The following NTSR1 variants were observed in gnomAD, a reference collection of about 807,000 sequenced individuals.
NTSR1 encodes neurotensin receptor type 1.
In NTSR1, 29 loss-of-function variants were observed where a neutral mutation model predicts 31.2. The observed-to-expected ratio is 0.93, with a 90% confidence interval of 0.69 to 1.27. The LOEUF (loss-of-function observed/expected upper bound fraction) is 1.27. Ranked by LOEUF, NTSR1 falls within the 50% of genes most tolerant of loss-of-function variation. NTSR1 has a pLI of 0.00. For synonymous variants in NTSR1, 282 were observed against 269.9 expected (o/e 1.04, Z -0.44); for missense variants, 697 against 595.4 (o/e 1.17, Z -1.78).
At position 62,711,958 on chromosome 20, in the gene NTSR1, G is replaced by A. The variant is rs1217491901; in HGVS notation, c.714+2037G>A. On this transcript the variant is annotated intron_variant, in intron 1 of 3. Coordinates refer to ENST00000370501, the MANE Select transcript of NTSR1 (RefSeq NM_002531.3). The surrounding 1 kb of genome is among the most constrained non-coding windows in gnomAD (Gnocchi z 6.4). Reference sequence around the variant, plus strand: ...ACGCCCTGCAGACGCCATGCTGGCCGAGCGTTGCTGAAGGCACCCTTGGAG... The same window carrying A: ...ACGCCCTGCAGACGCCATGCTGGCCAAGCGTTGCTGAAGGCACCCTTGGAG... Among the ~76,000 whole-genome samples, 2 of 152,228 alleles carry A rather than the reference G, an allele frequency of 1.3e-5. No individual in the cohort carries two copies. Among genetic ancestry groups the A allele is most frequent in the Non-Finnish European group, 2.9e-5 (2 of 68,044 alleles).
At chr20:62,728,956 G>C (rs1325965386) in intron 1 of NTSR1, among the ~76,000 whole-genome samples, 2 of 152,206 alleles carry the variant, frequency 1.3e-5, no homozygotes, top group African/African-American at 4.8e-5. Flanking sequence ...GGGACCCTAA[G>C]ACTGTCCCCT....
At chr20:62,750,214 G>T (rs1568709220) in intron 1 of NTSR1, among the ~76,000 whole-genome samples, 1 of 152,246 alleles carries the variant, frequency 6.6e-6, no homozygotes, top group African/African-American at 2.4e-5. Flanking sequence ...GACAAATGCT[G>T]TGTGATCTCG....
At chr20:62,737,998 T>C (rs1321650247) in intron 1 of NTSR1, among the ~76,000 whole-genome samples, 1 of 69,954 alleles carries the variant, frequency 1.4e-5, no homozygotes, top group African/African-American at 1.1e-4. Flanking sequence ...CAGACCACGC[T>C]GCATGCCCCC....
At position 62,711,816 on chromosome 20, in the gene NTSR1, C is replaced by G. The variant is rs553162005; in HGVS notation, c.714+1895C>G. ...CTTTGCCTCCCAAAGCACCACCTGC[C>G]CAGCCTTGTTGCTCAGAGGCTGCGA... is the stretch of plus-strand genomic sequence containing the variant. On this transcript the variant is annotated intron_variant, in intron 1 of 3. Coordinates refer to ENST00000370501, the MANE Select transcript of NTSR1 (RefSeq NM_002531.3). This position sits in a 1 kb window ranked among gnomAD's most constrained non-coding sequence, Gnocchi z 6.4. Among the ~76,000 whole-genome samples, 1 of 152,290 alleles carries G rather than the reference C, an allele frequency of 6.6e-6. No individual in the cohort carries two copies. The highest frequency in any genetic ancestry group is 6.5e-5 in the Admixed American group (1 of 15,304).
intron 1 of NTSR1, among the ~76,000 whole-genome samples, chr20:62,731,016 T>C (rs1371065030): frequency 2.0e-5 from 3 of 152,228 alleles, no homozygotes. Context: ...TTTCCTAGGC[T>C]GTATCTTGTC....
At chr20:62,738,183 G>T (rs983980948) in intron 1 of NTSR1, among the ~76,000 whole-genome samples, 2 of 152,184 alleles carry the variant, frequency 1.3e-5, no homozygotes, top group Non-Finnish European at 2.9e-5. Flanking sequence ...GGGTGATGGA[G>T]GGTGCTAGAT....
At chr20:62,734,290 C>G (rs1250957450) in intron 1 of NTSR1, among the ~76,000 whole-genome samples, 1 of 144,584 alleles carries the variant, frequency 6.9e-6, no homozygotes, top group East Asian at 2.0e-4. Context: ...GAGTGTGACC[C>G]CCTTCCCCGC....
rs1989609949 is a variant in NTSR1, at chr20:62,760,855, A to T, written c.*588A>T. 6.5e-6 allele frequency: 1 copy of T among 152,778 alleles called. No individual in the cohort carries two copies. The highest frequency in any genetic ancestry group is 2.4e-5 in the African/African-American group (1 of 41,462). 9.5% of individuals were successfully genotyped at this position (152,778 alleles called of 1,614,324 possible). ...TTCAGGCCTGGCAAGCTGGGGGCCC[A>T]TCGCCGTGGGGAGTCCCTCCCACCA... On this transcript the variant is annotated 3_prime_UTR_variant, in exon 4 of 4. Transcript: ENST00000370501.
In NTSR1 at chr20:62,741,203, T is replaced by A. The variant is rs962294574; in HGVS notation, c.715-13482T>A. On this transcript the variant is annotated intron_variant, in intron 1 of 3. Coordinates refer to ENST00000370501, the MANE Select transcript of NTSR1 (RefSeq NM_002531.3). The surrounding 1 kb of genome is among the most constrained non-coding windows in gnomAD (Gnocchi z 4.3). Reference sequence around the variant, plus strand: ...GGCAGCCAGGCTGCTAAGTCAGGGGTCTCCCGGCAGCCAGGCTGCTGCCAG... The same window carrying A: ...GGCAGCCAGGCTGCTAAGTCAGGGGACTCCCGGCAGCCAGGCTGCTGCCAG... Among the ~76,000 whole-genome samples, 4 of 151,260 alleles carry A rather than the reference T, an allele frequency of 2.6e-5. No homozygotes were observed. Among genetic ancestry groups the A allele is most frequent in the African/African-American group, 9.7e-5 (4 of 41,322 alleles).
At chr20:62,751,536 C>T (rs116442607) in intron 1 of NTSR1, among the ~76,000 whole-genome samples, 1 of 152,364 alleles carries the variant, frequency 6.6e-6, no homozygotes, top group African/African-American at 2.4e-5. Flanking sequence ...TTAGGCAGGT[C>T]TTCTCTAAAA....
In NTSR1 at chr20:62,715,030, GA is replaced by G. The variant is rs1031667399; in HGVS notation, c.714+5110del. ...CGTGATCTGGGGGAAGGGGCTGTGG[GA>G]GGGCTACAGAGGAGACAAGATTGGT... On this transcript the variant is annotated intron_variant, in intron 1 of 3. Transcript: ENST00000370501. The surrounding 1 kb of genome is among the most constrained non-coding windows in gnomAD (Gnocchi z 4.7). Among the ~76,000 whole-genome samples, 1 of 152,226 alleles carries G rather than the reference GA, an allele frequency of 6.6e-6. No individual in the cohort carries two copies. The highest frequency in any genetic ancestry group is 2.4e-5 in the African/African-American group (1 of 41,450).
At chr20:62,757,796 CTCTCTGAGCCTGTGTCCTG>C (rs1488293925) in intron 2 of NTSR1, among the ~76,000 whole-genome samples, 3 of 152,260 alleles carry the variant, frequency 2.0e-5, no homozygotes, top group South Asian at 2.1e-4. Context: ...ATGTCTCTCC[CTCTCTGAGCCTGTGTCCTG>C]TCTCTGAGCC....
intron 1 of NTSR1, among the ~76,000 whole-genome samples, chr20:62,723,880 A>C (rs1210422755): frequency 2.0e-5 from 3 of 152,190 alleles, no homozygotes; most frequent in Non-Finnish European, 2.9e-5. Context: ...TCAGGTGAAC[A>C]CGCTGACCCC....
At chr20:62,749,019 T>C (rs1226068965) in intron 1 of NTSR1, among the ~76,000 whole-genome samples, 3 of 152,124 alleles carry the variant, frequency 2.0e-5, no homozygotes, top group Non-Finnish European at 4.4e-5. Flanking sequence ...TCTTTGTAAA[T>C]TACCCAGTTT....
At position 62,709,622 on chromosome 20, in the gene NTSR1, G is replaced by A. The variant is rs1355950959; in HGVS notation, c.415G>A (p.Ala139Thr). Residue 139 changes from alanine to threonine, a missense_variant, in exon 1 of 4, where the codon GCC becomes ACC. Ala to Thr is a moderately conservative substitution (Grantham distance 58). Coordinates refer to ENST00000370501, the MANE Select transcript of NTSR1 (RefSeq NM_002531.3). Reference sequence around the variant, plus strand: ...GCACCACCCCTGGGCCTTCGGCGACGCCGGCTGCCGCGGCTACTACTTCCT... The same window carrying A: ...GCACCACCCCTGGGCCTTCGGCGACACCGGCTGCCGCGGCTACTACTTCCT... The part of the protein sequence containing the change: ...WVHHPWAFGD[A>T]GCRGYYFLRD... 1.9e-6 allele frequency: 3 copies of A among 1,611,628 alleles called. No individual in the cohort carries two copies. The highest frequency in any genetic ancestry group is 2.7e-5 in the African/African-American group (2 of 74,922).
chr20:62,754,432 A>C (rs1315728054), intron 1 of NTSR1, among the ~76,000 whole-genome samples: 1 of 152,156 alleles, frequency 6.6e-6, no homozygotes, highest in African/African-American at 2.4e-5. Context: ...GACTCATGAA[A>C]GTAGGGGAGT....
chr20:62,759,685 G>C (rs1270145258), intron 3 of NTSR1, among the ~76,000 whole-genome samples: 2 of 151,048 alleles, frequency 1.3e-5, no homozygotes, highest in African/African-American at 4.9e-5. Context: ...TGAGGCAGGA[G>C]AATGGTGTGA....
At chr20:62,739,665 C>G (rs150414651) in intron 1 of NTSR1, among the ~76,000 whole-genome samples, 203 of 152,404 alleles carry the variant, frequency 1.3e-3, no homozygotes, top group Middle Eastern at 6.8e-3. Context: ...TCCACTGACA[C>G]CGCTGAGATG....
intron 2 of NTSR1, among the ~76,000 whole-genome samples, chr20:62,757,702 C>G (rs1989534091): frequency 6.6e-6 from 1 of 152,208 alleles, no homozygotes; most frequent in Admixed American, 6.5e-5. Flanking sequence ...GCATCTCCCT[C>G]AGACCACGTG....
Sources: gnomAD v4.1 joint callset for allele counts (sites outside exome capture counted in the v4.1 genomes callset) on GRCh38, gnomAD v4.1.1 for gene constraint, Gnocchi (gnomAD v3.1) non-coding constraint, MANE v1.5 for transcripts, NCBI Gene and HGNC (gene_info 2026-07-23, HGNC 2026-07-21) for gene names.